Variants in SPC25 observed in about 807,000 individuals in gnomAD.
The protein encoded by SPC25 is kinetochore protein Spc25.
A neutral mutation model predicts 29.6 loss-of-function variants in SPC25; 22 were observed. The ratio of observed to expected loss-of-function variants is 0.74; its 90% CI spans 0.53 to 1.06. The LOEUF (loss-of-function observed/expected upper bound fraction) is 1.06, where lower values mean the gene tolerates loss of function less well. Among genes scored for constraint, SPC25 ranks in the 50% least tolerant of loss-of-function variants. SPC25 has a pLI of 0.00. For missense variants in SPC25, 230 were observed against 255.8 expected (o/e 0.90, Z 0.69); for synonymous variants, 91 against 90.4 (o/e 1.01, Z -0.04).
intron 3 of SPC25, chr2:168,884,708 C>G (rs1475995443): frequency 2.6e-5 from 4 of 152,118 alleles, no homozygotes; most frequent in Non-Finnish European, 5.9e-5. Flanking sequence ...CCATTTAACT[C>G]TCTCAAATTG....
At chr2:168,887,459 A>C (rs1423714568) in intron 3 of SPC25, among the ~76,000 whole-genome samples, 5 of 152,100 alleles carry the variant, frequency 3.3e-5, no homozygotes. Context: ...AAAGAAAGAA[A>C]GTAAACATGG....
downstream of SPC25, among the ~76,000 whole-genome samples, chr2:168,865,892 A>G (rs1425286865): frequency 1.3e-5 from 2 of 152,270 alleles, no homozygotes; most frequent in Non-Finnish European, 2.9e-5. Flanking sequence ...AGAGAATAAA[A>G]TACCTAGGAA....
chr2:168,870,797 G>T (rs1480843056), downstream of SPC25: 1 of 151,544 alleles, frequency 6.6e-6, no homozygotes, highest in Non-Finnish European at 1.5e-5. Context: ...AAGTTGGTGT[G>T]GCGATTCCTC....
At position 168,871,347 on chromosome 2, in the gene SPC25, A is replaced by C; in HGVS notation, c.*84T>G. ...TGTGCACATGTACCCTAAAACTTAA[A>C]GTATAATAATAATAAAAACAAGAAA... is the stretch of plus-strand genomic sequence containing the variant. On this transcript the variant is annotated 3_prime_UTR_variant, in exon 7 of 7. Coordinates refer to ENST00000282074, the MANE Select transcript of SPC25 (RefSeq NM_020675.4). 1 of 1,264,678 alleles carries C rather than the reference A, an allele frequency of 7.9e-7. No individual in the cohort carries two copies. Among genetic ancestry groups the C allele is most frequent in the South Asian group, 1.6e-5 (1 of 61,498 alleles). The allele number at this position is 1,264,678 out of a possible 1,614,324, so 78.3% of individuals were successfully genotyped here.
downstream of SPC25, among the ~76,000 whole-genome samples, chr2:168,866,702 G>T (rs1046035437): frequency 6.6e-6 from 1 of 152,200 alleles, no homozygotes; most frequent in African/African-American, 2.4e-5. Context: ...CCTACAGAAT[G>T]GGAGAAAATT....
chr2:168,866,777 C>A (rs1689863020), downstream of SPC25, among the ~76,000 whole-genome samples: 1 of 38,860 alleles, frequency 2.6e-5, no homozygotes, highest in African/African-American at 2.3e-4. Context: ...AACAAATTTA[C>A]AAGAAAAAAA....
chr2:168,865,212 G>A, intron 4 of SPC25: 3 of 462,516 alleles, frequency 6.5e-6, no homozygotes, highest in South Asian at 5.7e-5. Flanking sequence ...AATTCTAGGA[G>A]ACCCTAGAGA....
chr2:168,864,053 C>T (rs763188252), intron 4 of SPC25, among the ~76,000 whole-genome samples: 5 of 151,354 alleles, frequency 3.3e-5, no homozygotes, highest in South Asian at 2.1e-4. Context: ...CTGCAACCTC[C>T]GTCTCCTGGA....
At chr2:168,863,837 G>GA (rs982018813) in intron 4 of SPC25, among the ~76,000 whole-genome samples, 2 of 152,134 alleles carry the variant, frequency 1.3e-5, no homozygotes, top group African/African-American at 4.8e-5. Context: ...GAAAGAGTTT[G>GA]GTGACAATCC....
chr2:168,863,246 T>TAATA (rs1465373080), intron 4 of SPC25: 3 of 241,382 alleles, frequency 1.2e-5, no homozygotes, highest in African/African-American at 2.3e-5. Flanking sequence ...GAATTCTTGT[T>TAATA]AATAGATTAT....
At chr2:168,889,365 GT>G in intron 2 of SPC25, 21 bp downstream of exon 2, 1 of 1,613,814 alleles carries the variant, frequency 6.2e-7, no homozygotes, top group Non-Finnish European at 8.5e-7. Flanking sequence ...AAACCAGCAT[GT>G]TACAAGTTAA....
intron 6 of SPC25, among the ~76,000 whole-genome samples, chr2:168,872,511 A>G (rs189823486): frequency 1.6e-4 from 25 of 152,286 alleles, no homozygotes; most frequent in African/African-American, 5.3e-4. Flanking sequence ...AGGAAAAGAA[A>G]TTCACCCATT....
intron 4 of SPC25, chr2:168,862,166 C>T: frequency 1.2e-6 from 1 of 838,398 alleles, no homozygotes. Context: ...ATCAGTTCAC[C>T]CTTCTTGAAA....
chr2:168,887,890 A>G (rs1356104487), intron 3 of SPC25, among the ~76,000 whole-genome samples: 4 of 152,230 alleles, frequency 2.6e-5, no homozygotes, highest in Admixed American at 1.3e-4. Context: ...ACTGGCATTT[A>G]TACCTTAACA....
chr2:168,867,690 C>G (rs1689892519), downstream of SPC25, among the ~76,000 whole-genome samples: 3 of 152,250 alleles, frequency 2.0e-5, no homozygotes, highest in African/African-American at 7.2e-5. Context: ...AACTAACTAT[C>G]CTAAATATAT....
chr2:168,862,628 C>T (rs1010080431), intron 4 of SPC25, among the ~76,000 whole-genome samples: 2 of 152,248 alleles, frequency 1.3e-5, no homozygotes, highest in Non-Finnish European at 2.9e-5. Flanking sequence ...AAGCTTTTTA[C>T]AGCCAGTCTA....
At position 168,871,559 on chromosome 2, in the gene SPC25, GA is replaced by G. The variant is rs5836210; in HGVS notation, c.551-5del. The G allele has an allele frequency of 3.8e-3, 5,149 of 1,339,326 alleles. 3 individuals are homozygous for G. Among genetic ancestry groups the G allele is most frequent in the South Asian group, 0.021 (1,341 of 64,648 alleles). The allele number at this position is 1,339,326 out of a possible 1,614,324, so 83.0% of individuals were successfully genotyped here. ...AGATGAGGGGCACTATCTGACACTA[GA>G]AAAAAAAAAAAAAGAAATCAAAGAC... is the stretch of plus-strand genomic sequence containing the variant. On this transcript the variant is annotated splice_polypyrimidine_tract_variant and splice_region_variant and intron_variant, in intron 6 of 6. Coordinates refer to ENST00000282074, the MANE Select transcript of SPC25 (RefSeq NM_020675.4).
At position 168,871,180 on chromosome 2, in the gene SPC25, G is replaced by T. The variant is rs1449180754; in HGVS notation, c.*251C>A. On this transcript the variant is annotated 3_prime_UTR_variant, in exon 7 of 7. Transcript: ENST00000282074. The stretch of plus-strand genomic sequence containing the variant: ...AATGAGAACACATGGACACAGGAAG[G>T]GGAACATCACACAACGGGGACTGTT... 1.9e-5 allele frequency: 4 copies of T among 211,702 alleles called. No individual in the cohort carries two copies. Among genetic ancestry groups the T allele is most frequent in the Non-Finnish European group, 3.7e-5 (4 of 107,802 alleles). The allele number at this position is 211,702 out of a possible 1,614,324, so 13.1% of individuals were successfully genotyped here.
intron 3 of SPC25, among the ~76,000 whole-genome samples, chr2:168,885,683 G>T (rs192300379): frequency 1.3e-5 from 2 of 152,248 alleles, no homozygotes; most frequent in Non-Finnish European, 2.9e-5. Context: ...CCTCTTCCCA[G>T]AATGTAATGC....
Sources: allele counts gnomAD v4.1 joint callset (sites outside exome capture counted in the v4.1 genomes callset), GRCh38; gene constraint gnomAD v4.1.1; transcripts MANE v1.5; gene names NCBI Gene and HGNC (gene_info 2026-07-23, HGNC 2026-07-21).